Variants in L3MBTL4 observed in about 807,000 individuals in gnomAD.
L3MBTL4 encodes lethal(3)malignant brain tumor-like protein 4.
A neutral mutation model predicts 84.5 loss-of-function variants in L3MBTL4; 70 were observed. The ratio of observed to expected loss-of-function variants is 0.83; its 90% confidence interval spans 0.68 to 1.01. L3MBTL4 has a LOEUF of 1.01. Among genes scored for constraint, L3MBTL4 ranks in the 50% least tolerant of loss-of-function variants. L3MBTL4 has a pLI of 0.00. For missense variants in L3MBTL4, 715 were observed against 754.8 expected (o/e 0.95, Z 0.62); for synonymous variants, 274 against 259.8 (o/e 1.05, Z -0.52).
rs114981525 is a variant in L3MBTL4 at position 6,344,255 on chromosome 18, A to G, written c.-90-32199T>C. Among the ~76,000 whole-genome samples the G allele has an allele frequency of 9.3e-3, 1,416 of 152,302 alleles. 23 individuals are homozygous for G. The highest frequency in any genetic ancestry group is 0.033 in the African/African-American group (1,359 of 41,568). ...AAATACAAATTTAAGCGATCATAAC[A>G]CTACTATGAACAATTATTTGCCAAC... On this transcript the variant is annotated intron_variant, in intron 1 of 18. Transcript: ENST00000317931.
In L3MBTL4 at chr18:6,340,222, A is replaced by T. The variant is rs74603208; in HGVS notation, c.-90-28166T>A. ...AAATGCCAGCCCTCATACTGCCACA[A>T]AAACACCAATTTTGGCAACTATCCA... On this transcript the variant is annotated intron_variant, in intron 1 of 18. Transcript: ENST00000317931. Among the ~76,000 whole-genome samples the T allele has an allele frequency of 8.6e-3, 1,305 of 152,334 alleles. 14 individuals carry two copies. The highest frequency in any genetic ancestry group is 0.013 in the Non-Finnish European group (882 of 68,026).
intron 13 of L3MBTL4, among the ~76,000 whole-genome samples, chr18:6,157,194 G>GA (rs1454112604): frequency 6.6e-6 from 1 of 152,144 alleles, no homozygotes; most frequent in Non-Finnish European, 1.5e-5. Context: ...AGTACTTAGG[G>GA]ACTCTTAAAA....
chr18:6,096,456 G>A (rs1221902955), intron 14 of L3MBTL4, among the ~76,000 whole-genome samples: 3 of 152,168 alleles, frequency 2.0e-5, no homozygotes, highest in Non-Finnish European at 4.4e-5. Flanking sequence ...TAGAATCTGG[G>A]TTCTGAGAAT....
intron 1 of L3MBTL4, among the ~76,000 whole-genome samples, chr18:6,413,752 C>T (rs2056068178): frequency 6.6e-6 from 1 of 152,134 alleles, no homozygotes; most frequent in African/African-American, 2.4e-5. Context: ...TGGGAATGGC[C>T]GAGTGGGTCG....
At chr18:6,278,722 C>G (rs1274383619) in intron 4 of L3MBTL4, among the ~76,000 whole-genome samples, 1 of 152,146 alleles carries the variant, frequency 6.6e-6, no homozygotes, top group East Asian at 1.9e-4. Flanking sequence ...TTATCAATGT[C>G]TTCTACTGGT....
intron 4 of L3MBTL4, among the ~76,000 whole-genome samples, chr18:6,270,149 G>A (rs78319859): frequency 0.013 from 1,924 of 152,248 alleles, 34 homozygotes; most frequent in African/African-American, 0.043. Flanking sequence ...GTACCAACTG[G>A]AAATGATACG....
intron 16 of L3MBTL4, among the ~76,000 whole-genome samples, chr18:5,990,033 A>G (rs912005670): frequency 6.6e-6 from 1 of 152,188 alleles, no homozygotes; most frequent in African/African-American, 2.4e-5. Flanking sequence ...GGGATCCCTA[A>G]GAGTCCATCC....
chr18:6,174,077 T>A (rs184213497), intron 12 of L3MBTL4, among the ~76,000 whole-genome samples: 10 of 150,286 alleles, frequency 6.7e-5, no homozygotes, highest in Admixed American at 5.3e-4. Context: ...AAAAAAGGGG[T>A]AAAATCAAGC....
rs374862 is a variant in L3MBTL4 at position 6,279,508 on chromosome 18, G to A, written c.128-15470C>T. 9.3e-3 allele frequency among the ~76,000 whole-genome samples: 1,414 copies of A among 152,260 alleles called. 33 individuals carry two copies. Among genetic ancestry groups the A allele is most frequent in the African/African-American group, 0.032 (1,312 of 41,546 alleles). ...CTGAATGGGCCCAGTCCTGTCACTAGAGAGGAATCAAGAACAAAGAGATCT... is the reference window on the plus strand; with the variant it reads ...CTGAATGGGCCCAGTCCTGTCACTAAAGAGGAATCAAGAACAAAGAGATCT... On this transcript the variant is annotated intron_variant, in intron 4 of 18. Transcript: ENST00000317931.
At chr18:6,247,510 G>T (rs535774865) in intron 5 of L3MBTL4, among the ~76,000 whole-genome samples, 4 of 112,608 alleles carry the variant, frequency 3.6e-5, no homozygotes, top group African/African-American at 1.6e-4. Context: ...ATGGAGTCTC[G>T]CTGTGTCACC....
At chr18:6,402,301 G>A (rs9965332) in intron 1 of L3MBTL4, among the ~76,000 whole-genome samples, 2 of 152,064 alleles carry the variant, frequency 1.3e-5, no homozygotes, top group African/African-American at 4.8e-5. Context: ...AATGATTCCT[G>A]TATTGGCCAG....
chr18:6,019,814 G>C (rs1029413502), intron 16 of L3MBTL4, among the ~76,000 whole-genome samples: 1 of 152,218 alleles, frequency 6.6e-6, no homozygotes, highest in African/African-American at 2.4e-5. Flanking sequence ...GACAAAGTTA[G>C]CCACTCCCTT....
In L3MBTL4 at chr18:6,146,324, T is replaced by C. The variant is rs56409927; in HGVS notation, c.1097-8028A>G. On this transcript the variant is annotated intron_variant, in intron 13 of 18. Transcript: ENST00000317931. ...TACAGCTGGGGCTAGGTGAGCCCCATGGCGAGTTCGTGTCCATGAAGAAGA... is the reference window on the plus strand; with the variant it reads ...TACAGCTGGGGCTAGGTGAGCCCCACGGCGAGTTCGTGTCCATGAAGAAGA... Among the ~76,000 whole-genome samples, 1,186 of 152,250 alleles carry C rather than the reference T, an allele frequency of 7.8e-3. 16 individuals are homozygous for C. Among genetic ancestry groups the C allele is most frequent in the African/African-American group, 0.027 (1,130 of 41,546 alleles).
intron 1 of L3MBTL4, among the ~76,000 whole-genome samples, chr18:6,316,393 C>T (rs935297941): frequency 1.3e-5 from 2 of 152,172 alleles, no homozygotes; most frequent in African/African-American, 4.8e-5. Flanking sequence ...GTCTGGATAC[C>T]AGGCCTTGAG....
chr18:5,960,109 C>T lies in L3MBTL4; in HGVS notation c.1662G>A (p.Lys554=), dbSNP rs1197268941. ...QSLLGCEEHA[K]CFKKEQIDGK... ...CATCTCTTACCTCTTTCTTAAAGCA[C>T]TTGGCATGCTCTTCACAGCCCAGAA... The change falls in exon 18 of 19, where the codon AAG becomes AAA. Residue 554 remains lysine (K), a synonymous_variant. Coordinates refer to ENST00000317931, the MANE Select transcript of L3MBTL4 (RefSeq NM_001330559.2). 2.0e-6 allele frequency: 3 copies of T among 1,531,840 alleles called. No individual in the cohort carries two copies. The highest frequency in any genetic ancestry group is 1.8e-5 in the Admixed American group (1 of 54,862). 94.9% of individuals were successfully genotyped at this position (1,531,840 alleles called of 1,614,324 possible).
intron 1 of L3MBTL4, among the ~76,000 whole-genome samples, chr18:6,318,780 AG>A: frequency 6.6e-6 from 1 of 152,108 alleles, no homozygotes; most frequent in Non-Finnish European, 1.5e-5. Flanking sequence ...GAACAAATGA[AG>A]CTAACATATA....
chr18:6,072,881 A>AAAAAAAAAAAATAT, intron 16 of L3MBTL4, among the ~76,000 whole-genome samples: 1 of 20,450 alleles, frequency 4.9e-5, no homozygotes, highest in African/African-American at 1.9e-4. Context: ...AAAAAAAAAA[A>AAAAAAAAAAAATAT]ATATATATAT....
intron 1 of L3MBTL4, among the ~76,000 whole-genome samples, chr18:6,392,439 C>A (rs2055095571): frequency 6.6e-6 from 1 of 152,204 alleles, no homozygotes. Flanking sequence ...ATCCCAGCTA[C>A]TCAGGAGGCT....
chr18:6,382,843 GC>G (rs1204722804), intron 1 of L3MBTL4, among the ~76,000 whole-genome samples: 1 of 152,212 alleles, frequency 6.6e-6, no homozygotes, highest in African/African-American at 2.4e-5. Context: ...CAAATGCTGT[GC>G]TGGGAGGTCC....
Sources: allele counts gnomAD v4.1 joint callset (sites outside exome capture counted in the v4.1 genomes callset), GRCh38; gene constraint gnomAD v4.1.1; transcripts MANE v1.5; gene names NCBI Gene and HGNC (gene_info 2026-07-23, HGNC 2026-07-21).